The following DNAH12 variants were observed in gnomAD, a reference collection of about 807,000 sequenced individuals.
DNAH12 encodes dynein axonemal heavy chain 12, also known as axonemal beta dynein heavy chain 12.
In DNAH12, 285 loss-of-function variants were observed where a neutral mutation model predicts 371.5. The observed-to-expected ratio is 0.77, with a 90% CI of 0.70 to 0.85. The LOEUF (loss-of-function observed/expected upper bound fraction) is 0.85, where lower values mean the gene tolerates loss of function less well. Ranked by LOEUF, DNAH12 falls within the 40% of genes least tolerant of loss-of-function variation. DNAH12 has a pLI of 0.00. For missense variants in DNAH12, 3,611 were observed against 3,689.4 expected, an observed-to-expected ratio of 0.98 and a Z score of 0.55; for synonymous variants, 1,200 against 1,213.0, an observed-to-expected ratio of 0.99 and a Z score of 0.22.
intron 4 of DNAH12, chr3:57,519,697 TCCTG>T: frequency 6.2e-7 from 1 of 1,610,102 alleles, no homozygotes. Flanking sequence ...GGCCACCCAG[TCCTG>T]CTGGCAGAGA....
At chr3:57,518,048 T>C (rs1186081175) in intron 4 of DNAH12, among the ~76,000 whole-genome samples, 2 of 151,220 alleles carry the variant, frequency 1.3e-5, no homozygotes, top group African/African-American at 4.9e-5. Flanking sequence ...AGTGAGAAAC[T>C]GTCTCAAAAA....
chr3:57,349,838 C>A (rs2062630325), intron 60 of DNAH12, among the ~76,000 whole-genome samples: 1 of 152,134 alleles, frequency 6.6e-6, no homozygotes, highest in Non-Finnish European at 1.5e-5. Context: ...CAGGCATGCG[C>A]CACCATGCCT....
chr3:57,453,202 G>A (rs1304950736), intron 24 of DNAH12, 45 bp downstream of exon 24: 17 of 1,499,338 alleles, frequency 1.1e-5, no homozygotes, highest in Non-Finnish European at 4.4e-6. Context: ...GTTTCCAGAT[G>A]CTATCAACAT....
chr3:57,533,694 T>C (rs2068928527), intron 2 of DNAH12, among the ~76,000 whole-genome samples: 1 of 152,238 alleles, frequency 6.6e-6, no homozygotes, highest in African/African-American at 2.4e-5. Context: ...CCTGGTGCCC[T>C]ATCCTAGTGT....
At chr3:57,369,743 T>G (rs967453117) in intron 55 of DNAH12, among the ~76,000 whole-genome samples, 39 of 152,208 alleles carry the variant, frequency 2.6e-4, no homozygotes, top group Non-Finnish European at 2.2e-4. Flanking sequence ...TTTAAAGAGA[T>G]ATTATTTTCT....
intron 18 of DNAH12, among the ~76,000 whole-genome samples, chr3:57,462,445 T>G (rs985145547): frequency 1.4e-4 from 22 of 151,916 alleles, no homozygotes; most frequent in African/African-American, 5.3e-4. Flanking sequence ...AGGGATGGGG[T>G]CTCACCATGT....
chr3:57,430,506 T>C (rs2064923754), intron 32 of DNAH12, among the ~76,000 whole-genome samples: 1 of 152,302 alleles, frequency 6.6e-6, no homozygotes, highest in Non-Finnish European at 1.5e-5. Flanking sequence ...CCTTGGTCTC[T>C]TAATCTAAAA....
intron 6 of DNAH12, among the ~76,000 whole-genome samples, 174 bp downstream of exon 6, chr3:57,508,966 C>T (rs2067880070): frequency 6.6e-6 from 1 of 152,118 alleles, no homozygotes; most frequent in Non-Finnish European, 1.5e-5. Flanking sequence ...GTATGCAGAA[C>T]TAAATGAGCA....
chr3:57,513,747 G>A (rs1041149183), intron 4 of DNAH12, among the ~76,000 whole-genome samples: 3 of 152,060 alleles, frequency 2.0e-5, no homozygotes, highest in Non-Finnish European at 4.4e-5. Flanking sequence ...AAACTACCCT[G>A]AGATACCATC....
intron 43 of DNAH12, among the ~76,000 whole-genome samples, chr3:57,401,462 G>A (rs1434559357): frequency 3.3e-5 from 5 of 150,498 alleles, no homozygotes; most frequent in African/African-American, 9.7e-5. Context: ...TACTTGGGAG[G>A]CTGAGACAGG....
intron 24 of DNAH12, 21 bp downstream of exon 24, chr3:57,453,226 A>G (rs2065807620): frequency 6.6e-7 from 1 of 1,516,526 alleles, no homozygotes; most frequent in South Asian, 1.3e-5. Context: ...ATCTTTAAAA[A>G]TTAAAGAAAA....
At chr3:57,381,175 A>C (rs1447493641) in intron 50 of DNAH12, among the ~76,000 whole-genome samples, 1 of 152,136 alleles carries the variant, frequency 6.6e-6, no homozygotes, top group Non-Finnish European at 1.5e-5. Context: ...ATATATTGGC[A>C]AAAGAGCTGA....
chr3:57,453,423 G>C lies in DNAH12; in HGVS notation c.3457-20C>G. 1 of 1,450,882 alleles carries C rather than the reference G, an allele frequency of 6.9e-7. No individual in the cohort carries two copies. Among genetic ancestry groups the C allele is most frequent in the Non-Finnish European group, 9.2e-7 (1 of 1,082,726 alleles). 89.9% of individuals were successfully genotyped at this position (1,450,882 alleles called of 1,614,324 possible). A position where few individuals can be genotyped will look rare whatever the true frequency, so the allele number is the denominator to read the frequency against. ...TAATCCCTACAAAATAAAAAAAAAA[G>C]CAATCTAATTGATGTCACATCATAC... On this transcript the variant is annotated intron_variant, in intron 23 of 73. Coordinates refer to ENST00000495027, the MANE Select transcript of DNAH12 (RefSeq NM_001366028.2).
In DNAH12 at chr3:57,301,785, G is replaced by C. The variant is rs533042711; in HGVS notation, c.11344C>G (p.Pro3782Ala). 1 of 1,551,232 alleles carries C rather than the reference G, an allele frequency of 6.4e-7. No homozygotes were observed. The highest frequency in any genetic ancestry group is 1.4e-5 in the African/African-American group (1 of 72,950). ...WAKRSYPSLK[P>A]LGSYITDFLA... ...AAATCTGTGATGTAACTTCCCAGGG[G>C]CTTAAGGCTTGGGTATGAACGTTTG... The change falls in exon 70 of 74, where the codon CCC becomes GCC. Residue 3782 changes from proline (P) to alanine (A), a missense_variant. This residue lies in a region of DNAH12 where 2,266 missense variants were observed against 2,236.9 expected (regional missense o/e 1.01). Transcript: ENST00000495027.
At chr3:57,399,229 A>C (rs2063806324) in intron 43 of DNAH12, among the ~76,000 whole-genome samples, 1 of 152,134 alleles carries the variant, frequency 6.6e-6, no homozygotes, top group African/African-American at 2.4e-5. Flanking sequence ...AATCATCATA[A>C]CATAAAAGGC....
chr3:57,355,624 A>G (rs1180715561), intron 59 of DNAH12, among the ~76,000 whole-genome samples: 1 of 152,184 alleles, frequency 6.6e-6, no homozygotes, highest in East Asian at 1.9e-4. Context: ...TGGCCACCTT[A>G]TTTTAAAATC....
intron 2 of DNAH12, chr3:57,531,047 G>C (rs896811595): frequency 6.6e-6 from 1 of 152,268 alleles, no homozygotes; most frequent in Non-Finnish European, 1.5e-5. Context: ...CTTAAGAGTA[G>C]TTTACACACC....
At chr3:57,499,957 C>A (rs1003088990) in intron 11 of DNAH12, among the ~76,000 whole-genome samples, 2 of 151,348 alleles carry the variant, frequency 1.3e-5, no homozygotes, top group Admixed American at 6.6e-5. Flanking sequence ...AAGAAATATG[C>A]CAGTTTTAAC....
intron 27 of DNAH12, 126 bp from the exon 28 acceptor site, chr3:57,445,545 C>T (rs2065458474): frequency 2.4e-6 from 2 of 847,188 alleles, no homozygotes; most frequent in Admixed American, 5.0e-5. Context: ...TTTCTAAACT[C>T]TAATTTTTTT....
Sources: allele counts gnomAD v4.1 joint callset (sites outside exome capture counted in the v4.1 genomes callset), GRCh38; gene constraint gnomAD v4.1.1; regional missense constraint gnomAD v4.1.1; transcripts MANE v1.5; gene names NCBI Gene and HGNC (gene_info 2026-07-23, HGNC 2026-07-21).